The following ZNF582 variants were observed in gnomAD, a reference collection of about 807,000 sequenced individuals.
The protein encoded by ZNF582 is zinc finger protein 582.
A neutral mutation model predicts 12.3 loss-of-function variants in ZNF582; 14 were observed. That is an observed-to-expected ratio of 1.14 (90% CI 0.75 to 1.78). The LOEUF (loss-of-function observed/expected upper bound fraction) is 1.78. Ranked by LOEUF, ZNF582 falls within the 40% of genes most tolerant of loss-of-function variation. ZNF582 has a pLI of 0.00. For synonymous variants in ZNF582, 210 were observed against 207.2 expected (o/e 1.01, Z -0.11); for missense variants, 567 against 616.5 (o/e 0.92, Z 0.85).
intron 4 of ZNF582, 43 bp from the exon 5 acceptor site, chr19:56,385,227 T>C (rs1322617896): frequency 1.2e-5 from 18 of 1,518,466 alleles, no homozygotes; most frequent in Non-Finnish European, 1.4e-5. Flanking sequence ...TCTTTTTTTT[T>C]CCAGATAAAG....
At chr19:56,386,321 G>C (rs1356115757) in intron 4 of ZNF582, 1 of 152,144 alleles carries the variant, frequency 6.6e-6, no homozygotes, top group Non-Finnish European at 1.5e-5. Flanking sequence ...AAGTTTAGCT[G>C]AACACCATGG....
Position 56,384,663 on chromosome 19 carries a change from C to A in ZNF582, c.754G>T (p.Glu252Ter), listed in dbSNP as rs1376943253. The A allele has an allele frequency of 6.2e-7, 1 of 1,614,054 alleles. No homozygotes were observed. Among genetic ancestry groups the A allele is most frequent in the Admixed American group, 1.7e-5 (1 of 60,016 alleles). Reference sequence around the variant, plus strand: ...CAATCTTTACATTCATACGGTTTCTCACCAGTATGAACTCTCTGATGTTGT... The same window carrying A: ...CAATCTTTACATTCATACGGTTTCTAACCAGTATGAACTCTCTGATGTTGT... Residue 252 changes from glutamate (E) to a stop codon, truncating the protein, a stop_gained, in exon 5 of 5, where the codon GAG becomes TAG. Coordinates refer to ENST00000586929, the Ensembl canonical transcript of ZNF582. LOFTEE classifies it low-confidence loss of function (END_TRUNC).
intron 2 of ZNF582, among the ~76,000 whole-genome samples, chr19:56,390,872 C>CA (rs1205359153): frequency 2.6e-5 from 4 of 152,080 alleles, no homozygotes; most frequent in Non-Finnish European, 5.9e-5. Flanking sequence ...ACAATAACAA[C>CA]AAAAAATATT....
chr19:56,391,778 A>C, exon 2 of ZNF582: 1 of 1,614,236 alleles, frequency 6.2e-7, no homozygotes, highest in Non-Finnish European at 8.5e-7. Context: ...AAGGGCTGAT[A>C]GGTCCTCCTT....
In ZNF582 at chr19:56,384,368, T is replaced by C. The variant is rs1400666379; in HGVS notation, c.1049A>G (p.Gln350Arg). ...CTGATGTCGTATAAGAGTTGAGCCT[T>C]GATTAAAAGCCTTCCCACATTCCTT... is the stretch of plus-strand genomic sequence containing the variant. The change falls in exon 5 of 5, where the codon CAA becomes CGA. Residue 350 changes from glutamine (Q) to arginine (R), a missense_variant. By Grantham distance (43) the Gln-to-Arg change is conservative. Transcript: ENST00000586929. The C allele has an allele frequency of 3.7e-6, 6 of 1,611,136 alleles. No individual in the cohort carries two copies. Among genetic ancestry groups the C allele is most frequent in the Non-Finnish European group, 5.1e-6 (6 of 1,178,648 alleles).
At chr19:56,391,233 T>G (rs1045778323) in intron 2 of ZNF582, among the ~76,000 whole-genome samples, 3 of 152,206 alleles carry the variant, frequency 2.0e-5, no homozygotes, top group Non-Finnish European at 2.9e-5. Flanking sequence ...TTTCTTCCTC[T>G]TAAGCTAAAG....
At chr19:56,390,411 C>T (rs746507547) in exon 3 of ZNF582, 15 of 1,614,060 alleles carry the variant, frequency 9.3e-6, no homozygotes, top group Admixed American at 5.0e-5. Context: ...TCCAACATCA[C>T]GTCTCTGTAC....
At chr19:56,390,527 A>T (rs2042006705) in intron 2 of ZNF582, 26 bp from the exon 3 acceptor site, 1 of 1,613,298 alleles carries the variant, frequency 6.2e-7, no homozygotes. Flanking sequence ...TGTATGATAT[A>T]TATGTATTTC....
rs374319071 is a variant in ZNF582, at chr19:56,384,621, G to A, written c.796C>T (p.Arg266Ter). 8 of 1,613,826 alleles carry A rather than the reference G, an allele frequency of 5.0e-6. No individual in the cohort carries two copies. The highest frequency in any genetic ancestry group is 2.2e-5 in the East Asian group (1 of 44,866). Residue 266 changes from arginine to a stop codon, truncating the protein, a stop_gained, in exon 5 of 5, where the codon CGA becomes TGA. Coordinates refer to ENST00000586929, the Ensembl canonical transcript of ZNF582. LOFTEE classifies it low-confidence loss of function (END_TRUNC). ...TGATGTTCAATCAACTGTGAGCTTC[G>A]ACTAAAGGCCTTCTCACAATCTTTA...
chr19:56,387,703 T>C (rs1250868566), intron 4 of ZNF582: 1 of 152,226 alleles, frequency 6.6e-6, no homozygotes, highest in African/African-American at 2.4e-5. Context: ...GCTCAGGTGA[T>C]TCTCCTCTGT....
rs1223452182 is a variant in ZNF582 at position 56,390,471 on chromosome 19, C to CTA, written c.38_39dup (p.Val14Ter). 4 of 1,613,980 alleles carry CTA rather than the reference C, an allele frequency of 2.5e-6. No homozygotes were observed. Among genetic ancestry groups the CTA allele is most frequent in the Non-Finnish European group, 3.4e-6 (4 of 1,180,030 alleles). ...CACTGCCATTCTTCTTGGGAGAAGA[C>CTA]TATGGCCACATCCCTGAACAATTCT... On this transcript the variant is annotated frameshift_variant, in exon 3 of 5. Coordinates refer to ENST00000586929, the Ensembl canonical transcript of ZNF582. LOFTEE classifies it high-confidence loss of function.
chr19:56,391,811 G>C (rs372754885), exon 2 of ZNF582: 2 of 1,614,032 alleles, frequency 1.2e-6, no homozygotes, highest in Non-Finnish European at 1.7e-6. Context: ...TTGGGGAAGG[G>C]CAGAGTCCTG....
exon 5 of ZNF582, chr19:56,383,641 AG>A (rs1239240587): frequency 2.4e-6 from 1 of 414,616 alleles, no homozygotes; most frequent in Non-Finnish European, 4.1e-6. Flanking sequence ...CACTGTGGTT[AG>A]AAAATGTGGT....
exon 5 of ZNF582, chr19:56,383,741 T>G (rs2041937580): frequency 1.7e-6 from 2 of 1,181,600 alleles, no homozygotes. Context: ...CATAAAATTT[T>G]CTTTGATATG....
exon 1 of ZNF582, chr19:56,393,356 G>T: frequency 1.0e-6 from 1 of 960,470 alleles, no homozygotes; most frequent in Non-Finnish European, 1.4e-6. Context: ...AGACGTCTGC[G>T]TTCTTCTCAG....
rs1324714895 is a variant in ZNF582 at position 56,393,494 on chromosome 19, G to T, written c.-355C>A. The stretch of plus-strand genomic sequence containing the variant: ...CCGCGGCCGCGCCCCCGGCAGCCCA[G>T]GGCGCGCTTCCACCACGGTACCGGT... On this transcript the variant is annotated 5_prime_UTR_variant, in exon 1 of 5. It adds an upstream start codon to the 5' untranslated region. Coordinates refer to ENST00000586929, the Ensembl canonical transcript of ZNF582. 2 of 509,632 alleles carry T rather than the reference G, an allele frequency of 3.9e-6. No individual in the cohort carries two copies. The highest frequency in any genetic ancestry group is 1.9e-5 in the African/African-American group (1 of 51,906). The allele number at this position is 509,632 out of a possible 1,614,324, so 31.6% of individuals were successfully genotyped here.
chr19:56,384,742 T>C, exon 5 of ZNF582: 1 of 1,605,214 alleles, frequency 6.2e-7, no homozygotes. Flanking sequence ...ATTCATATGG[T>C]TTCTTACCAG....
At chr19:56,384,193 T>C in exon 5 of ZNF582, 1 of 1,611,102 alleles carries the variant, frequency 6.2e-7, no homozygotes, top group Non-Finnish European at 8.5e-7. Context: ...CAGTAAGATG[T>C]GAGACCCGTT....
At chr19:56,392,035 T>C (rs965312934) in intron 1 of ZNF582, among the ~76,000 whole-genome samples, 2 of 152,200 alleles carry the variant, frequency 1.3e-5, no homozygotes, top group Non-Finnish European at 1.5e-5. Context: ...TCCCTCCCAT[T>C]TCCCCTAAAC....
Sources: gnomAD v4.1 joint callset for allele counts (sites outside exome capture counted in the v4.1 genomes callset) on GRCh38, gnomAD v4.1.1 for gene constraint, MANE v1.5 for transcripts, NCBI Gene and HGNC (gene_info 2026-07-23, HGNC 2026-07-21) for gene names.